The following NWD2 variants were observed in gnomAD, a reference collection of about 807,000 sequenced individuals.
NWD2 encodes NACHT and WD repeat domain-containing protein 2.
Under a neutral mutation model 132.7 loss-of-function variants are expected in NWD2, and 37 were observed. That is an observed-to-expected ratio of 0.28 (90% CI 0.21 to 0.37). NWD2 has a LOEUF of 0.37. Among genes scored for constraint, NWD2 ranks in the 10% least tolerant of loss-of-function variants. The pLI is 1.00. For missense variants in NWD2, 1,592 were observed against 2,122.4 expected (o/e 0.75, Z 4.91); for synonymous variants, 705 against 803.0 (o/e 0.88, Z 2.06).
At chr4:37,320,984 C>T (rs2109285635) in intron 1 of NWD2, among the ~76,000 whole-genome samples, 1 of 152,184 alleles carries the variant, frequency 6.6e-6, no homozygotes, top group Admixed American at 6.5e-5. Context: ...TGGTAAAACC[C>T]CGTCTGTACT....
chr4:37,290,448 T>A (rs1189128174), intron 1 of NWD2, among the ~76,000 whole-genome samples: 1 of 152,180 alleles, frequency 6.6e-6, no homozygotes, highest in African/African-American at 2.4e-5. Flanking sequence ...TGATTGTAAG[T>A]GTGACGATAT....
At chr4:37,372,700 T>C (rs1028992523) in intron 3 of NWD2, among the ~76,000 whole-genome samples, 2 of 152,226 alleles carry the variant, frequency 1.3e-5, no homozygotes, top group African/African-American at 4.8e-5. Flanking sequence ...TTCCAATCCA[T>C]GTTTGTCATT....
chr4:37,327,910 A>G (rs1284739587), intron 2 of NWD2, among the ~76,000 whole-genome samples: 1 of 152,094 alleles, frequency 6.6e-6, no homozygotes, highest in African/African-American at 2.4e-5. Context: ...GAGTTACTCA[A>G]ACATACCGGT....
chr4:37,320,054 A>G (rs753903260), intron 1 of NWD2, among the ~76,000 whole-genome samples: 4 of 152,192 alleles, frequency 2.6e-5, no homozygotes, highest in Non-Finnish European at 4.4e-5. Context: ...GAATCTGTAG[A>G]TTGCTTTAGG....
At chr4:37,430,543 C>G in intron 3 of NWD2, 29 bp from the exon 4 acceptor site, 5 of 1,504,888 alleles carry the variant, frequency 3.3e-6, no homozygotes, top group Non-Finnish European at 4.5e-6. Flanking sequence ...TGGTGATACA[C>G]TAAATTGAAC....
chr4:37,427,683 G>T (rs145294848), intron 3 of NWD2, among the ~76,000 whole-genome samples: 2 of 152,284 alleles, frequency 1.3e-5, no homozygotes, highest in African/African-American at 4.8e-5. Context: ...AAAAAGAACA[G>T]CTAGGTTAGA....
chr4:37,376,865 A>T (rs957691176), intron 3 of NWD2, among the ~76,000 whole-genome samples: 1 of 152,146 alleles, frequency 6.6e-6, no homozygotes, highest in African/African-American at 2.4e-5. Flanking sequence ...GTGAATTCTC[A>T]GGAGGAATTT....
At chr4:37,280,221 C>A (rs1243486247) in intron 1 of NWD2, among the ~76,000 whole-genome samples, 2 of 152,126 alleles carry the variant, frequency 1.3e-5, no homozygotes, top group Non-Finnish European at 2.9e-5. Flanking sequence ...AAATAAAAAC[C>A]AAAACACTTC....
At chr4:37,374,130 A>G (rs1339976907) in intron 3 of NWD2, among the ~76,000 whole-genome samples, 1 of 152,172 alleles carries the variant, frequency 6.6e-6, no homozygotes, top group Non-Finnish European at 1.5e-5. Context: ...TCCCTCATGA[A>G]TGGCTTGGGG....
chr4:37,374,331 C>CT (rs1446499790), intron 3 of NWD2, among the ~76,000 whole-genome samples: 2 of 152,184 alleles, frequency 1.3e-5, no homozygotes, highest in African/African-American at 4.8e-5. Context: ...TGATGCCATG[C>CT]TTGTTGTACA....
intron 1 of NWD2, among the ~76,000 whole-genome samples, chr4:37,321,262 C>G (rs552784495): frequency 6.6e-6 from 1 of 152,154 alleles, no homozygotes; most frequent in Non-Finnish European, 1.5e-5. Context: ...ACTCTTTTAT[C>G]TTCAATAAAA....
intron 3 of NWD2, among the ~76,000 whole-genome samples, chr4:37,380,792 G>A (rs1168409699): frequency 6.6e-6 from 1 of 152,202 alleles, no homozygotes; most frequent in Non-Finnish European, 1.5e-5. Flanking sequence ...GCTAGAATGT[G>A]AGCAGGCAGG....
chr4:37,395,085 G>A (rs994365974), intron 3 of NWD2, among the ~76,000 whole-genome samples: 5 of 151,834 alleles, frequency 3.3e-5, no homozygotes, highest in African/African-American at 7.2e-5. Flanking sequence ...GCTTACAAGC[G>A]TGAGCCAGTG....
chr4:37,358,342 A>G (rs548504878), intron 3 of NWD2, among the ~76,000 whole-genome samples: 3 of 151,912 alleles, frequency 2.0e-5, no homozygotes, highest in South Asian at 4.2e-4. Flanking sequence ...TGAGAAAAAT[A>G]CGTGGTTTGG....
At chr4:37,356,515 C>T (rs1422395680) in intron 3 of NWD2, 33 bp downstream of exon 3, 1 of 1,285,932 alleles carries the variant, frequency 7.8e-7, no homozygotes, top group African/African-American at 1.5e-5. Context: ...TTTATATTAA[C>T]TTTTAGATGA....
chr4:37,390,568 T>A (rs1720663156), intron 3 of NWD2, among the ~76,000 whole-genome samples: 1 of 152,144 alleles, frequency 6.6e-6, no homozygotes, highest in Admixed American at 6.5e-5. Flanking sequence ...ATTTATTTGG[T>A]CTCTAGTGTC....
At chr4:37,412,781 A>G (rs1721188304) in intron 3 of NWD2, among the ~76,000 whole-genome samples, 1 of 152,208 alleles carries the variant, frequency 6.6e-6, no homozygotes, top group African/African-American at 2.4e-5. Flanking sequence ...ACCAAAACAG[A>G]TATATAGACC....
intron 1 of NWD2, among the ~76,000 whole-genome samples, chr4:37,304,174 A>G (rs191701661): frequency 6.6e-5 from 10 of 152,328 alleles, no homozygotes; most frequent in Admixed American, 2.6e-4. Flanking sequence ...CACTTCATAC[A>G]TGGCTGGAAA....
chr4:37,337,497 T>C (rs1279099397), intron 2 of NWD2, among the ~76,000 whole-genome samples: 1 of 152,206 alleles, frequency 6.6e-6, no homozygotes, highest in African/African-American at 2.4e-5. Context: ...AACTACTTTC[T>C]GTCTCAGGAT....
Sources: allele counts gnomAD v4.1 joint callset (sites outside exome capture counted in the v4.1 genomes callset), GRCh38; gene constraint gnomAD v4.1.1; transcripts MANE v1.5; gene names NCBI Gene and HGNC (gene_info 2026-07-23, HGNC 2026-07-21).